MTA3: variants seen among roughly 807,000 people sequenced by gnomAD.
MTA3 encodes the protein metastasis associated 1 family member 3, also known as metastasis-associated protein MTA3.
In MTA3, 34 loss-of-function variants were observed where a neutral mutation model predicts 83.5. The ratio of observed to expected loss-of-function variants is 0.41; its 90% confidence interval spans 0.31 to 0.54. MTA3 has a LOEUF of 0.54. Ranked by LOEUF, MTA3 falls within the 20% of genes least tolerant of loss-of-function variation. MTA3 has a pLI of 0.33. For synonymous variants in MTA3, 303 were observed against 252.7 expected (o/e 1.20, Z -1.89); for missense variants, 761 against 726.4 (o/e 1.05, Z -0.55).
At chr2:42,630,827 G>A (rs1311965087) in intron 4 of MTA3, among the ~76,000 whole-genome samples, 1 of 151,946 alleles carries the variant, frequency 6.6e-6, no homozygotes. Flanking sequence ...TTTCTCCATT[G>A]GTCAAAGCAG....
intron 3 of MTA3, among the ~76,000 whole-genome samples, chr2:42,594,728 A>ATATATATATATATT: frequency 2.9e-4 from 7 of 24,042 alleles, no homozygotes; most frequent in Middle Eastern, 0.071. Flanking sequence ...ATATATATAT[A>ATATATATATATATT]TTTTTTTTTT....
chr2:42,752,708 C>T (rs1020586149), intron 16 of MTA3, among the ~76,000 whole-genome samples: 5 of 152,138 alleles, frequency 3.3e-5, no homozygotes, highest in East Asian at 1.9e-4. Flanking sequence ...GATCGTGCCT[C>T]CTCCCAGCCA....
chr2:42,549,992 A>G (rs1197777046), intron 2 of MTA3, among the ~76,000 whole-genome samples: 1 of 151,896 alleles, frequency 6.6e-6, no homozygotes, highest in Non-Finnish European at 1.5e-5. Flanking sequence ...TGTTCAAGGA[A>G]CACTTATTTT....
intron 3 of MTA3, among the ~76,000 whole-genome samples, chr2:42,596,770 A>T (rs1486039406): frequency 6.6e-6 from 1 of 152,216 alleles, no homozygotes; most frequent in South Asian, 2.1e-4. Context: ...TGTGGTCTGG[A>T]AGAATACAGG....
At chr2:42,635,781 TC>T (rs1558527452) in intron 4 of MTA3, among the ~76,000 whole-genome samples, 4 of 152,136 alleles carry the variant, frequency 2.6e-5, no homozygotes, top group African/African-American at 9.7e-5. Flanking sequence ...TGTTTTTTTT[TC>T]CCAAGACAGA....
chr2:42,662,732 CTT>C (rs35392554), intron 8 of MTA3, among the ~76,000 whole-genome samples: 345 of 123,252 alleles, frequency 2.8e-3, no homozygotes, highest in South Asian at 6.9e-3. Flanking sequence ...TATATAAATA[CTT>C]TTTTTTTTTT....
In MTA3 at chr2:42,594,728, A is replaced by ATATATTT; in HGVS notation, c.191-14729_191-14728insATATTTT. Among the ~76,000 whole-genome samples, 91 of 24,042 alleles carry ATATATTT rather than the reference A, an allele frequency of 3.8e-3. 6 individuals are homozygous for ATATATTT. The highest frequency in any genetic ancestry group is 0.016 in the African/African-American group (73 of 4,470). The allele number at this position is 24,042 out of a possible 152,430, so 15.8% of individuals were successfully genotyped here. A position where few individuals can be genotyped will look rare whatever the true frequency, so the allele number is the denominator to read the frequency against. On this transcript the variant is annotated intron_variant, in intron 3 of 16. Coordinates refer to ENST00000405094, the MANE Select transcript of MTA3 (RefSeq NM_001330442.2). ...TACATATATATATATATATATATAT[A>ATATATTT]TTTTTTTTTTTTTTTTGAGACAGAG...
chr2:42,741,003 T>C (rs904691442), intron 16 of MTA3, among the ~76,000 whole-genome samples: 1 of 152,280 alleles, frequency 6.6e-6, no homozygotes. Flanking sequence ...TTTGTCTACA[T>C]TGAAAATCTG....
intron 4 of MTA3, among the ~76,000 whole-genome samples, chr2:42,614,651 C>A (rs1481164275): frequency 0.023 from 3,493 of 151,868 alleles, 127 homozygotes; most frequent in African/African-American, 0.08. Context: ...ATATATAACT[C>A]GTGTAATATA....
At chr2:42,744,689 AG>A (rs1315976164) in intron 16 of MTA3, among the ~76,000 whole-genome samples, 1 of 152,170 alleles carries the variant, frequency 6.6e-6, no homozygotes, top group African/African-American at 2.4e-5. Flanking sequence ...GAGACAGCAG[AG>A]GGAGCGGATT....
intron 2 of MTA3, among the ~76,000 whole-genome samples, chr2:42,573,109 T>G (rs2103842050): frequency 6.6e-6 from 1 of 152,196 alleles, no homozygotes; most frequent in Middle Eastern, 3.4e-3. Flanking sequence ...TTCCTCCGAT[T>G]TTCTAATGAT....
chr2:42,712,136 C>T (rs1024549181), intron 14 of MTA3, among the ~76,000 whole-genome samples: 5 of 151,946 alleles, frequency 3.3e-5, no homozygotes, highest in African/African-American at 1.2e-4. Flanking sequence ...GAAATGGGAG[C>T]TTTTTAAACC....
At chr2:42,695,547 A>G (rs1299456089) in intron 9 of MTA3, among the ~76,000 whole-genome samples, 2 of 138,616 alleles carry the variant, frequency 1.4e-5, no homozygotes, top group Non-Finnish European at 3.0e-5. Context: ...AGGCAGAAGA[A>G]TTGCCTGAAC....
intron 3 of MTA3, among the ~76,000 whole-genome samples, chr2:42,599,361 G>A (rs981408980): frequency 3.9e-5 from 6 of 152,144 alleles, no homozygotes; most frequent in Non-Finnish European, 8.8e-5. Context: ...TTGGGAGGCC[G>A]AGGCGGGTGG....
intron 3 of MTA3, among the ~76,000 whole-genome samples, chr2:42,587,626 G>A (rs1451147931): frequency 6.6e-6 from 1 of 151,612 alleles, no homozygotes; most frequent in Non-Finnish European, 1.5e-5. Flanking sequence ...GAGACAGTCT[G>A]ACTCTTGTCA....
Position 42,549,301 on chromosome 2 carries a change from C to T in MTA3, c.-140-21136C>T, listed in dbSNP as rs1266084192. Reference sequence around the variant, plus strand: ...ATATGTAATATATAATGTATATGTACACGTATATAATATATAATATATTAT... The same window carrying T: ...ATATGTAATATATAATGTATATGTATACGTATATAATATATAATATATTAT... On this transcript the variant is annotated intron_variant, in intron 2 of 17. Coordinates refer to the MTA3 transcript ENST00000405592. Among the ~76,000 whole-genome samples the T allele has an allele frequency of 2.0e-4, 16 of 81,692 alleles. No individual in the cohort carries two copies. In the South Asian group the frequency reaches 2.4e-3, roughly 12 times the overall value. 53.6% of individuals were successfully genotyped at this position (81,692 alleles called of 152,430 possible). A position where few individuals can be genotyped will look rare whatever the true frequency, so the allele number is the denominator to read the frequency against.
chr2:42,507,535 A>G (rs193050606), intron 2 of MTA3, among the ~76,000 whole-genome samples: 3 of 152,150 alleles, frequency 2.0e-5, no homozygotes, highest in Admixed American at 6.5e-5. Flanking sequence ...GGGACTAGGA[A>G]TATGAGGTTA....
intron 8 of MTA3, among the ~76,000 whole-genome samples, chr2:42,673,439 A>G (rs1691026071): frequency 6.6e-6 from 1 of 152,114 alleles, no homozygotes. Context: ...CTTTTGACTT[A>G]TGATATTTTC....
chr2:42,705,129 G>A (rs1377512854), intron 12 of MTA3, among the ~76,000 whole-genome samples: 1 of 152,158 alleles, frequency 6.6e-6, no homozygotes, highest in Middle Eastern at 3.2e-3. Context: ...AATGAGGGAC[G>A]GCTGTGAGTA....
Sources: allele counts gnomAD v4.1 joint callset (sites outside exome capture counted in the v4.1 genomes callset), GRCh38; gene constraint gnomAD v4.1.1; transcripts MANE v1.5; gene names NCBI Gene and HGNC (gene_info 2026-07-23, HGNC 2026-07-21).